Variants in HYDIN observed in about 807,000 individuals in gnomAD.
HYDIN encodes the protein axonemal central pair apparatus protein HYDIN.
Under a neutral mutation model 403.9 loss-of-function variants are expected in HYDIN, and 132 were observed. That is an observed-to-expected ratio of 0.33 (90% CI 0.28 to 0.38). The LOEUF (loss-of-function observed/expected upper bound fraction) is 0.38. Ranked by LOEUF, HYDIN falls within the 10% of genes least tolerant of loss-of-function variation. The pLI, the probability that HYDIN is intolerant of heterozygous loss-of-function variation, is 1.00. For synonymous variants in HYDIN, 1,202 were observed against 1,891.7 expected (o/e 0.64, Z 9.46); for missense variants, 2,827 against 5,009.5 (o/e 0.56, Z 13.15).
chr16:71,215,004 TG>T (rs1274937978), intron 1 of HYDIN, among the ~76,000 whole-genome samples: 3 of 152,162 alleles, frequency 2.0e-5, no homozygotes, highest in Non-Finnish European at 4.4e-5. Flanking sequence ...AAGCCAAGTC[TG>T]GGGCAGGAAA....
intron 1 of HYDIN, among the ~76,000 whole-genome samples, chr16:71,192,176 T>C (rs1440174634): frequency 1.3e-5 from 2 of 152,144 alleles, no homozygotes; most frequent in Admixed American, 1.3e-4. Flanking sequence ...CTTTTGATCA[T>C]GACATGATTC....
intron 8 of HYDIN, among the ~76,000 whole-genome samples, chr16:71,136,078 C>A (rs2084908117): frequency 2.0e-5 from 3 of 148,916 alleles, no homozygotes; most frequent in Admixed American, 1.3e-4. Flanking sequence ...ATGAAAGCAG[C>A]AAAAGTGTTA....
At chr16:70,899,710 G>C (rs369276103) in intron 53 of HYDIN, among the ~76,000 whole-genome samples, 2,932 of 152,352 alleles carry the variant, frequency 0.019, 15 homozygotes, top group Middle Eastern at 0.075. Context: ...GTTAGGAAGA[G>C]GTGGTGCTCT....
At chr16:71,075,162 G>A (rs1254385022) in intron 13 of HYDIN, among the ~76,000 whole-genome samples, 2 of 151,554 alleles carry the variant, frequency 1.3e-5, no homozygotes, top group Non-Finnish European at 2.9e-5. Context: ...CTCAGGTTTG[G>A]GAAATCTTGG....
At chr16:71,164,958 A>G (rs1280859769) in intron 5 of HYDIN, among the ~76,000 whole-genome samples, 2 of 152,220 alleles carry the variant, frequency 1.3e-5, no homozygotes, top group African/African-American at 4.8e-5. Context: ...GATACAATCC[A>G]TAGGATCTAC....
intron 11 of HYDIN, among the ~76,000 whole-genome samples, chr16:71,089,266 G>A (rs112540596): frequency 0.018 from 2,774 of 152,038 alleles, 66 homozygotes; most frequent in African/African-American, 0.061. Context: ...GATATTAGGC[G>A]TCCTACAAGG....
intron 22 of HYDIN, among the ~76,000 whole-genome samples, chr16:71,019,592 T>C (rs2080399252): frequency 6.6e-6 from 1 of 152,290 alleles, no homozygotes; most frequent in African/African-American, 2.4e-5. Flanking sequence ...GCTTGGTGAT[T>C]AAATGTTTTG....
chr16:71,071,740 A>T (rs1300984228), intron 13 of HYDIN, among the ~76,000 whole-genome samples: 1 of 152,216 alleles, frequency 6.6e-6, no homozygotes, highest in Non-Finnish European at 1.5e-5. Context: ...ACATTTCTTT[A>T]AAAATATGGT....
chr16:70,821,528 T>C (rs972028334), intron 83 of HYDIN, among the ~76,000 whole-genome samples: 4 of 152,114 alleles, frequency 2.6e-5, no homozygotes, highest in African/African-American at 9.7e-5. Flanking sequence ...CATTATTTCC[T>C]AGGTGAAGCC....
chr16:70,834,980 A>ATACACACATATGTGTG (rs2037306336), intron 78 of HYDIN, among the ~76,000 whole-genome samples: 1 of 128,638 alleles, frequency 7.8e-6, no homozygotes, highest in African/African-American at 4.2e-5. Context: ...ATGTGTGTAT[A>ATACACACATATGTGTG]TATATATATA....
At chr16:71,193,592 T>C (rs2087543067) in intron 1 of HYDIN, among the ~76,000 whole-genome samples, 2 of 152,182 alleles carry the variant, frequency 1.3e-5, no homozygotes, top group Admixed American at 1.3e-4. Flanking sequence ...CTGTAGGGAA[T>C]TGAGTTCTGT....
intron 83 of HYDIN, among the ~76,000 whole-genome samples, chr16:70,824,513 T>C (rs1355706170): frequency 6.6e-6 from 1 of 151,732 alleles, no homozygotes; most frequent in East Asian, 1.9e-4. Flanking sequence ...TATATCCTTG[T>C]ACTTTCCTCT....
At chr16:70,818,250 C>T in intron 84 of HYDIN, 92 bp downstream of exon 84, 3 of 681,934 alleles carry the variant, frequency 4.4e-6, no homozygotes, top group Non-Finnish European at 7.6e-6. Flanking sequence ...CTGGCCCACC[C>T]TCTGGGGATG....
At chr16:71,203,511 A>C (rs754245026) in intron 1 of HYDIN, among the ~76,000 whole-genome samples, 1 of 152,218 alleles carries the variant, frequency 6.6e-6, no homozygotes, top group Non-Finnish European at 1.5e-5. Flanking sequence ...CTATTAGAAT[A>C]GGAGAGAATA....
intron 30 of HYDIN, among the ~76,000 whole-genome samples, chr16:70,978,477 G>C (rs1239031723): frequency 2.6e-5 from 4 of 151,064 alleles, no homozygotes; most frequent in African/African-American, 9.7e-5. Flanking sequence ...TATAGGAATG[G>C]GCCACTGCAC....
chr16:70,989,209 G>A (rs1164590326), intron 25 of HYDIN, among the ~76,000 whole-genome samples: 1 of 152,060 alleles, frequency 6.6e-6, no homozygotes, highest in Admixed American at 6.5e-5. Flanking sequence ...AGGACTGCAG[G>A]CGTGCACCAC....
chr16:70,956,232 T>C (rs1339441147), intron 39 of HYDIN, among the ~76,000 whole-genome samples: 1 of 139,150 alleles, frequency 7.2e-6, no homozygotes, highest in Non-Finnish European at 1.5e-5. Context: ...GTTGATTTCT[T>C]TTCTCATTTC....
In HYDIN at chr16:70,902,794, AATATATATATAT is replaced by A. The variant is rs1264288990; in HGVS notation, c.8849+819_8849+830del. 5.3e-3 allele frequency among the ~76,000 whole-genome samples: 325 copies of A among 61,142 alleles called. 5 individuals are homozygous for A. Among genetic ancestry groups the A allele is most frequent in the East Asian group, 0.022 (53 of 2,374 alleles). The allele number at this position is 61,142 out of a possible 152,430, so 40.1% of individuals were successfully genotyped here. A position where few individuals can be genotyped will look rare whatever the true frequency, so the allele number is the denominator to read the frequency against. ...TTGGGAAAGTTCCATCTACTCTTTA[AATATATATATAT>A]ATATATATATATATATTTTTTTTTT... On this transcript the variant is annotated intron_variant, in intron 52 of 85. Transcript: ENST00000393567.
In HYDIN at chr16:70,832,879, C is replaced by G. The variant is rs1184338044; in HGVS notation, c.13868G>C (p.Gly4623Ala). Residue 4623 changes from glycine (G) to alanine (A), a missense_variant, in exon 80 of 86, where the codon GGA becomes GCA. By Grantham distance (60) the Gly-to-Ala change is moderately conservative. Coordinates refer to ENST00000393567, the MANE Select transcript of HYDIN (RefSeq NM_001270974.2). ...GGSPLSLTLS[G>A]VCVGPPAVKE... ...TACCGCAGGTGGTCCCACGCAGACT[C>G]CAGACAGGGTTAGACTCAGAGGACT... The G allele has an allele frequency of 1.9e-6, 3 of 1,613,852 alleles. No homozygotes were observed. The highest frequency in any genetic ancestry group is 1.7e-6 in the Non-Finnish European group (2 of 1,179,842).
Sources: gnomAD v4.1 joint callset for allele counts (sites outside exome capture counted in the v4.1 genomes callset) on GRCh38, gnomAD v4.1.1 for gene constraint, MANE v1.5 for transcripts, NCBI Gene and HGNC (gene_info 2026-07-23, HGNC 2026-07-21) for gene names.